PLCB1: variants seen among roughly 807,000 people sequenced by gnomAD.
The protein encoded by PLCB1 is phospholipase C beta 1, also known as 1-phosphatidylinositol 4,5-bisphosphate phosphodiesterase beta-1.
In PLCB1, 46 loss-of-function variants were observed where a neutral mutation model predicts 161.8. That is an observed-to-expected ratio of 0.28 (90% CI 0.22 to 0.36). PLCB1 has a LOEUF of 0.36. PLCB1 is among the 10% of genes least tolerant of loss of function. The pLI is 1.00. For missense variants in PLCB1, 1,016 were observed against 1,472.5 expected, an observed-to-expected ratio of 0.69 and a Z score of 5.07; for synonymous variants, 517 against 503.7, an observed-to-expected ratio of 1.03 and a Z score of -0.35.
At chr20:8,769,940 A>G (rs1418326338) in intron 26 of PLCB1, among the ~76,000 whole-genome samples, 1 of 152,026 alleles carries the variant, frequency 6.6e-6, no homozygotes, top group East Asian at 1.9e-4. Flanking sequence ...AAGTAATAAA[A>G]TCATCTCTTT....
At chr20:8,640,918 C>T (rs940491924) in intron 4 of PLCB1, among the ~76,000 whole-genome samples, 1 of 152,132 alleles carries the variant, frequency 6.6e-6, no homozygotes, top group African/African-American at 2.4e-5. Context: ...TTCATTTCAC[C>T]ACGTTAAACT....
At chr20:8,702,707 G>T (rs1009719202) in intron 11 of PLCB1, among the ~76,000 whole-genome samples, 1 of 152,036 alleles carries the variant, frequency 6.6e-6, no homozygotes, top group African/African-American at 2.4e-5. Context: ...AACAATTTTG[G>T]CTTGATAAAG....
intron 3 of PLCB1, among the ~76,000 whole-genome samples, chr20:8,626,749 C>A (rs1988361456): frequency 6.6e-6 from 1 of 152,108 alleles, no homozygotes; most frequent in Admixed American, 6.6e-5. Flanking sequence ...TCTGAGTGTA[C>A]CAAAAAGAAC....
At chr20:8,254,216 TAGACTTTTCCAGA>T (rs1981295389) in intron 2 of PLCB1, among the ~76,000 whole-genome samples, 1 of 152,004 alleles carries the variant, frequency 6.6e-6, no homozygotes, top group Non-Finnish European at 1.5e-5. Flanking sequence ...AGTCATCTAG[TAGACTTTTCCAGA>T]ACACATATTT....
chr20:8,837,543 A>G (rs1986335663), intron 31 of PLCB1, among the ~76,000 whole-genome samples: 1 of 152,204 alleles, frequency 6.6e-6, no homozygotes, highest in African/African-American at 2.4e-5. Flanking sequence ...TGGCTGAAAC[A>G]TGGGCCAGAA....
chr20:8,733,985 GGGCGTGGT>G (rs1438711655), intron 19 of PLCB1, among the ~76,000 whole-genome samples: 1 of 147,970 alleles, frequency 6.8e-6, no homozygotes, highest in Non-Finnish European at 1.5e-5. Context: ...ACAATTAGCC[GGGCGTGGT>G]GGCGGGCGCC....
chr20:8,321,936 G>A (rs578219387), intron 2 of PLCB1, among the ~76,000 whole-genome samples: 1 of 152,202 alleles, frequency 6.6e-6, no homozygotes, highest in East Asian at 1.9e-4. Context: ...AATGTTTTCA[G>A]TTACATGCTG....
intron 31 of PLCB1, among the ~76,000 whole-genome samples, chr20:8,815,738 C>A (rs1985056398): frequency 6.6e-6 from 1 of 152,158 alleles, no homozygotes; most frequent in South Asian, 2.1e-4. Context: ...CTAGAAATAT[C>A]TGACTATTAA....
intron 3 of PLCB1, among the ~76,000 whole-genome samples, chr20:8,542,359 GAC>G (rs1480492791): frequency 6.6e-6 from 1 of 152,202 alleles, no homozygotes; most frequent in East Asian, 1.9e-4. Context: ...TAATGAAACT[GAC>G]AGTCATTTTT....
intron 3 of PLCB1, among the ~76,000 whole-genome samples, chr20:8,506,174 G>A (rs1451404990): frequency 1.3e-5 from 2 of 152,186 alleles, no homozygotes; most frequent in East Asian, 3.8e-4. Context: ...TGGTTTGCAA[G>A]AATTTTGGAA....
rs2719806 is a variant in PLCB1, at chr20:8,308,338, C to T, written c.178-63044C>T. 6.8e-3 allele frequency among the ~76,000 whole-genome samples: 1,026 copies of T among 150,808 alleles called. 18 individuals are homozygous for T. Among genetic ancestry groups the T allele is most frequent in the African/African-American group, 0.022 (923 of 41,380 alleles). ...GAGTAAAGAACTATGAATGTTCAGC[C>T]GGGCGCAGTGGCTCATGCCTGTAAT... On this transcript the variant is annotated intron_variant, in intron 2 of 31. Transcript: ENST00000338037.
intron 2 of PLCB1, among the ~76,000 whole-genome samples, chr20:8,186,170 T>G (rs181021534): frequency 1.3e-5 from 2 of 152,268 alleles, no homozygotes; most frequent in Admixed American, 1.3e-4. Flanking sequence ...GGATTTCTTT[T>G]TGGGTTATCT....
chr20:8,720,563 A>G (rs1389255414), intron 14 of PLCB1, among the ~76,000 whole-genome samples: 1 of 151,932 alleles, frequency 6.6e-6, no homozygotes, highest in Non-Finnish European at 1.5e-5. Flanking sequence ...TGCAGGATTC[A>G]GCCCTTTGCT....
chr20:8,186,369 A>G (rs6118092), intron 2 of PLCB1, among the ~76,000 whole-genome samples: 58,115 of 152,046 alleles, frequency 0.38, 12,701 homozygotes, highest in African/African-American at 0.61. Context: ...TTAGTTGCAT[A>G]TACCTTGAAA....
At chr20:8,668,345 AGCTGTG>A (rs1989865048) in intron 9 of PLCB1, among the ~76,000 whole-genome samples, 1 of 152,220 alleles carries the variant, frequency 6.6e-6, no homozygotes, top group Non-Finnish European at 1.5e-5. Context: ...CTAGGATGCC[AGCTGTG>A]ACAGCAAAGA....
At chr20:8,340,296 C>A (rs976281016) in intron 2 of PLCB1, among the ~76,000 whole-genome samples, 4 of 152,174 alleles carry the variant, frequency 2.6e-5, no homozygotes, top group African/African-American at 9.7e-5. Context: ...TGAGCTGGGG[C>A]TCTTTGGATT....
At chr20:8,838,490 G>A (rs907325124) in intron 31 of PLCB1, among the ~76,000 whole-genome samples, 5 of 152,186 alleles carry the variant, frequency 3.3e-5, no homozygotes, top group African/African-American at 1.2e-4. Context: ...AACTTATCCC[G>A]TGGTTATTTT....
At chr20:8,191,337 C>T (rs924284277) in intron 2 of PLCB1, among the ~76,000 whole-genome samples, 17 of 152,020 alleles carry the variant, frequency 1.1e-4, no homozygotes, top group African/African-American at 4.1e-4. Flanking sequence ...AACAACTATA[C>T]ATCCTTCACA....
chr20:8,378,704 C>G (rs1231815065), intron 3 of PLCB1, among the ~76,000 whole-genome samples: 2 of 152,188 alleles, frequency 1.3e-5, no homozygotes, highest in Non-Finnish European at 2.9e-5. Context: ...AAAGATTTTT[C>G]TGTAACATGA....
Sources: allele counts gnomAD v4.1 joint callset (sites outside exome capture counted in the v4.1 genomes callset), GRCh38; gene constraint gnomAD v4.1.1; transcripts MANE v1.5; gene names NCBI Gene and HGNC (gene_info 2026-07-23, HGNC 2026-07-21).